Variants in CERS6 observed in about 807,000 individuals in gnomAD.
CERS6 encodes ceramide synthase 6.
Under a neutral mutation model 56.8 loss-of-function variants are expected in CERS6, and 26 were observed. The observed-to-expected ratio is 0.46, with a 90% CI of 0.34 to 0.63. The LOEUF (loss-of-function observed/expected upper bound fraction) is 0.63, where lower values mean the gene tolerates loss of function less well. CERS6 is among the 30% of genes least tolerant of loss of function. The pLI, the probability that CERS6 is intolerant of heterozygous loss-of-function variation, is 0.01. For synonymous variants in CERS6, 164 were observed against 173.3 expected, an observed-to-expected ratio of 0.95 and a Z score of 0.42; for missense variants, 415 against 467.5, an observed-to-expected ratio of 0.89 and a Z score of 1.04.
At chr2:168,681,910 A>T (rs1686227200) in intron 4 of CERS6, among the ~76,000 whole-genome samples, 1 of 152,182 alleles carries the variant, frequency 6.6e-6, no homozygotes, top group Non-Finnish European at 1.5e-5. Flanking sequence ...TGCCTGGCTT[A>T]TTTCACTTAA....
At chr2:168,562,486 A>T (rs1209252637) in intron 3 of CERS6, among the ~76,000 whole-genome samples, 1 of 152,214 alleles carries the variant, frequency 6.6e-6, no homozygotes, top group African/African-American at 2.4e-5. Flanking sequence ...GGTGATAATA[A>T]GGAGAAGGTC....
rs1363105605 is a variant in CERS6, at chr2:168,774,401, C to T, written c.*4739C>T. 3.3e-5 allele frequency: 5 copies of T among 152,218 alleles called. No individual in the cohort carries two copies. Among genetic ancestry groups the T allele is most frequent in the South Asian group, 2.1e-4 (1 of 4,824 alleles). 9.4% of individuals were successfully genotyped at this position (152,218 alleles called of 1,614,324 possible). A position where few individuals can be genotyped will look rare whatever the true frequency, so the allele number is the denominator to read the frequency against. On this transcript the variant is annotated 3_prime_UTR_variant, in exon 10 of 10. Coordinates refer to ENST00000305747, the MANE Select transcript of CERS6 (RefSeq NM_203463.3). ...CCACACTTCCTTCTCTGCCTAATTC[C>T]GTTTTTCTGGAAAAAGTAGTATGCC...
At position 168,715,132 on chromosome 2, in the gene CERS6, A is replaced by G; in HGVS notation, c.738+3A>G. 1 of 1,603,276 alleles carries G rather than the reference A, an allele frequency of 6.2e-7. No individual in the cohort carries two copies. The highest frequency in any genetic ancestry group is 8.5e-7 in the Non-Finnish European group (1 of 1,176,654). ...ATTCAGCTGATGCTCTTCTGGAGGT[A>G]AAAGTTTTCTTTCATCTTTAAGAAT... On this transcript the variant is annotated splice_donor_region_variant and intron_variant, in intron 7 of 9. Transcript: ENST00000305747.
intron 7 of CERS6, among the ~76,000 whole-genome samples, chr2:168,715,680 T>A (rs1687210783): frequency 6.6e-6 from 1 of 152,256 alleles, no homozygotes; most frequent in South Asian, 2.1e-4. Flanking sequence ...TACTATTATT[T>A]AGAATTCTTA....
intron 1 of CERS6, among the ~76,000 whole-genome samples, chr2:168,497,871 G>A (rs1574023777): frequency 6.6e-6 from 1 of 152,270 alleles, no homozygotes; most frequent in South Asian, 2.1e-4. Context: ...ATCGAGACTG[G>A]AGATGAAGGT....
chr2:168,692,262 G>A (rs76885395), intron 5 of CERS6, among the ~76,000 whole-genome samples: 6 of 152,246 alleles, frequency 3.9e-5, no homozygotes, highest in East Asian at 1.9e-4. Flanking sequence ...GCTGTTTACC[G>A]TACTTGGAAC....
At chr2:168,563,562 C>T (rs1000402214) in intron 3 of CERS6, among the ~76,000 whole-genome samples, 1 of 152,122 alleles carries the variant, frequency 6.6e-6, no homozygotes, top group African/African-American at 2.4e-5. Flanking sequence ...CTTTTGGAGG[C>T]CGAGGCGGGC....
In CERS6 at chr2:168,740,143, A is replaced by G. The variant is rs112025929; in HGVS notation, c.845+22165A>G. ...TCCAGAATTGATGCATATTTGGTGC[A>G]TAATGAGAGAAAATTCCATGGATTT... On this transcript the variant is annotated intron_variant, in intron 8 of 9. Coordinates refer to ENST00000305747, the MANE Select transcript of CERS6 (RefSeq NM_203463.3). Among the ~76,000 whole-genome samples, 1,268 of 152,324 alleles carry G rather than the reference A, an allele frequency of 8.3e-3. 11 individuals carry two copies. The highest frequency in any genetic ancestry group is 0.02 in the Middle Eastern group (6 of 294).
At chr2:168,554,902 TC>T (rs1335591415) in intron 2 of CERS6, among the ~76,000 whole-genome samples, 2 of 152,114 alleles carry the variant, frequency 1.3e-5, no homozygotes, top group Non-Finnish European at 2.9e-5. Context: ...TAGTTATGAA[TC>T]ATATATGTAT....
In CERS6 at chr2:168,561,277, G is replaced by T; in HGVS notation, c.362G>T (p.Arg121Leu). The T allele has an allele frequency of 1.2e-6, 2 of 1,614,096 alleles. No individual in the cohort carries two copies. The highest frequency in any genetic ancestry group is 1.7e-6 in the Non-Finnish European group (2 of 1,179,980). The change falls in exon 3 of 10, where the codon CGC becomes CTC. Residue 121 changes from arginine (R) to leucine (L), a missense_variant. Arg to Leu is a moderately radical substitution (Grantham distance 102). Transcript: ENST00000305747. ...RSIQRWFRQRRNQEKPSTLTR... is the reference protein window; with the variant it reads ...RSIQRWFRQRLNQEKPSTLTR... Reference sequence around the variant, plus strand: ...ATTCAGCGCTGGTTTCGACAAAGACGCAATCAGGAGAAGCCAAGCACGCTG... The same window carrying T: ...ATTCAGCGCTGGTTTCGACAAAGACTCAATCAGGAGAAGCCAAGCACGCTG...
At chr2:168,674,079 C>A (rs1685991533) in intron 4 of CERS6, among the ~76,000 whole-genome samples, 1 of 151,934 alleles carries the variant, frequency 6.6e-6, no homozygotes, top group Non-Finnish European at 1.5e-5. Context: ...ATGTAGTAAC[C>A]AGGCATAATG....
chr2:168,491,851 C>T (rs144869456), intron 1 of CERS6, among the ~76,000 whole-genome samples: 11,854 of 152,080 alleles, frequency 0.078, 519 homozygotes, highest in East Asian at 0.18. Context: ...CTGCCACTTA[C>T]GAGTGAGAAC....
chr2:168,715,138 T>C lies in CERS6; in HGVS notation c.738+9T>C. 3 of 1,602,550 alleles carry C rather than the reference T, an allele frequency of 1.9e-6. No individual in the cohort carries two copies. Among genetic ancestry groups the C allele is most frequent in the Non-Finnish European group, 2.6e-6 (3 of 1,176,334 alleles). On this transcript the variant is annotated intron_variant, in intron 7 of 9. Transcript: ENST00000305747. Reference sequence around the variant, plus strand: ...CTGATGCTCTTCTGGAGGTAAAAGTTTTCTTTCATCTTTAAGAATACAAAA... The same window carrying C: ...CTGATGCTCTTCTGGAGGTAAAAGTCTTCTTTCATCTTTAAGAATACAAAA...
chr2:168,640,342 A>G (rs1684960280), intron 4 of CERS6, among the ~76,000 whole-genome samples: 1 of 152,260 alleles, frequency 6.6e-6, no homozygotes, highest in Admixed American at 6.5e-5. Flanking sequence ...AAAGCATTCA[A>G]GTAGGAAAAG....
intron 4 of CERS6, among the ~76,000 whole-genome samples, chr2:168,640,837 A>G (rs1684972449): frequency 6.6e-6 from 1 of 152,144 alleles, no homozygotes; most frequent in African/African-American, 2.4e-5. Context: ...GTTTGTGTGG[A>G]AAGGGCTTCC....
At chr2:168,465,704 G>A (rs2105320408) in intron 1 of CERS6, among the ~76,000 whole-genome samples, 1 of 152,262 alleles carries the variant, frequency 6.6e-6, no homozygotes, top group East Asian at 1.9e-4. Flanking sequence ...CACAGGTAGT[G>A]GAGTGATGAC....
At chr2:168,507,093 AT>A (rs1694692188) in intron 1 of CERS6, among the ~76,000 whole-genome samples, 2 of 151,992 alleles carry the variant, frequency 1.3e-5, no homozygotes, top group Admixed American at 1.3e-4. Flanking sequence ...CCTTAACCTT[AT>A]GAGAGCAAGC....
chr2:168,526,971 A>G (rs1695082832), intron 1 of CERS6, among the ~76,000 whole-genome samples: 1 of 152,228 alleles, frequency 6.6e-6, no homozygotes. Flanking sequence ...TGTGCTGGTT[A>G]TTAAGCCATT....
intron 1 of CERS6, among the ~76,000 whole-genome samples, chr2:168,494,765 T>C (rs961186034): frequency 1.3e-5 from 2 of 152,128 alleles, no homozygotes; most frequent in Non-Finnish European, 2.9e-5. Context: ...GTTAAAAGCA[T>C]GGAATATCGA....
Sources: allele counts gnomAD v4.1 joint callset (sites outside exome capture counted in the v4.1 genomes callset), GRCh38; gene constraint gnomAD v4.1.1; transcripts MANE v1.5; gene names NCBI Gene and HGNC (gene_info 2026-07-23, HGNC 2026-07-21).